MANBA: variants seen among roughly 807,000 people sequenced by gnomAD.
MANBA encodes the protein mannosidase beta, also known as beta-mannosidase.
A neutral mutation model predicts 111.1 loss-of-function variants in MANBA; 83 were observed. The ratio of observed to expected loss-of-function variants is 0.75; its 90% confidence interval spans 0.63 to 0.90. The LOEUF is 0.90. Among genes scored for constraint, MANBA ranks in the 40% least tolerant of loss-of-function variants. MANBA has a pLI of 0.00. For synonymous variants in MANBA, 370 were observed against 378.7 expected, an observed-to-expected ratio of 0.98 and a Z score of 0.27; for missense variants, 1,036 against 1,069.0, an observed-to-expected ratio of 0.97 and a Z score of 0.43.
chr4:102,715,994 T>C (rs1722311083), intron 4 of MANBA, among the ~76,000 whole-genome samples: 2 of 152,056 alleles, frequency 1.3e-5, no homozygotes, highest in African/African-American at 2.4e-5. Context: ...CAAAGAATAT[T>C]GTGCTTACAT....
At chr4:102,712,950 A>G (rs1410722354) in intron 5 of MANBA, among the ~76,000 whole-genome samples, 1 of 152,244 alleles carries the variant, frequency 6.6e-6, no homozygotes. Flanking sequence ...TAGTTGGATT[A>G]CACCTCAGAA....
chr4:102,647,675 A>G (rs1730161228), intron 13 of MANBA, among the ~76,000 whole-genome samples: 1 of 152,124 alleles, frequency 6.6e-6, no homozygotes, highest in Non-Finnish European at 1.5e-5. Context: ...AGGGACAGAT[A>G]CCAACATTGC....
chr4:102,671,234 G>A, intron 9 of MANBA, 47 bp downstream of exon 9: 1 of 1,168,100 alleles, frequency 8.6e-7, no homozygotes. Flanking sequence ...CAGTCAAACT[G>A]AGGATATAGT....
At chr4:102,658,457 C>A (rs1013267930) in intron 11 of MANBA, among the ~76,000 whole-genome samples, 6 of 152,090 alleles carry the variant, frequency 3.9e-5, no homozygotes, top group African/African-American at 1.4e-4. Flanking sequence ...TCAGATGGAC[C>A]CAAACGTGAC....
intron 5 of MANBA, among the ~76,000 whole-genome samples, chr4:102,713,563 T>C (rs543802559): frequency 6.6e-6 from 1 of 152,214 alleles, no homozygotes; most frequent in East Asian, 1.9e-4. Context: ...CTCCTTGATA[T>C]TGAATAGTTG....
chr4:102,729,852 T>C lies in MANBA; in HGVS notation c.178-3169A>G, dbSNP rs181699964. On this transcript the variant is annotated intron_variant, in intron 1 of 16. Coordinates refer to ENST00000647097, the MANE Select transcript of MANBA (RefSeq NM_005908.4). ...CTACTGCTCCAGGAACCATACCTTG[T>C]CTATGAAGGAGGCAAACTTGTTGTT... 873 of 1,434,068 alleles carry C rather than the reference T, an allele frequency of 6.1e-4. 7 individuals carry two copies. The African/African-American group carries it at 0.011, about 18-fold the overall frequency. The allele number at this position is 1,434,068 out of a possible 1,614,324, so 88.8% of individuals were successfully genotyped here.
At chr4:102,651,856 G>A (rs1730347196) in intron 12 of MANBA, among the ~76,000 whole-genome samples, 1 of 152,142 alleles carries the variant, frequency 6.6e-6, no homozygotes, top group Non-Finnish European at 1.5e-5. Context: ...TGTATTTAAA[G>A]GAGAGATTCA....
intron 15 of MANBA, among the ~76,000 whole-genome samples, 161 bp from the exon 16 acceptor site, chr4:102,635,206 C>T (rs1327528377): frequency 9.6e-5 from 10 of 104,002 alleles, no homozygotes; most frequent in African/African-American, 4.1e-4. Context: ...AGCTATGTGA[C>T]TAAGTAACTT....
chr4:102,651,971 T>G (rs1730353120), intron 12 of MANBA, among the ~76,000 whole-genome samples: 1 of 150,110 alleles, frequency 6.7e-6, no homozygotes, highest in Admixed American at 6.7e-5. Context: ...TATTTTTAAT[T>G]GACACAATAA....
intron 5 of MANBA, among the ~76,000 whole-genome samples, chr4:102,710,117 C>A (rs146540079): frequency 6.6e-6 from 1 of 152,038 alleles, no homozygotes; most frequent in Admixed American, 6.6e-5. Flanking sequence ...AAGATGCCCA[C>A]GTTCACCACT....
In MANBA at chr4:102,760,939, C is replaced by A. The variant is rs1314137403; in HGVS notation, c.-45G>T. On this transcript the variant is annotated 5_prime_UTR_variant, in exon 1 of 17. Coordinates refer to ENST00000647097, the MANE Select transcript of MANBA (RefSeq NM_005908.4). ...GAGATGTGGAGAGATCGAAAGGCAGCGCTGCAAGGGACCGGCGGTGAAGCC... is the reference window on the plus strand; with the variant it reads ...GAGATGTGGAGAGATCGAAAGGCAGAGCTGCAAGGGACCGGCGGTGAAGCC... 3.9e-6 allele frequency: 6 copies of A among 1,524,418 alleles called. No homozygotes were observed. The African/African-American group carries it at 4.1e-5, about 10-fold the overall frequency. 94.4% of individuals were successfully genotyped at this position (1,524,418 alleles called of 1,614,324 possible). A position where few individuals can be genotyped will look rare whatever the true frequency, so the allele number is the denominator to read the frequency against.
At chr4:102,672,021 T>C (rs717278) in intron 8 of MANBA, 12,409 of 398,894 alleles carry the variant, frequency 0.031, 1,184 homozygotes, top group African/African-American at 0.21. Flanking sequence ...ATTGGCCCAG[T>C]TGGGCTGAAG....
intron 8 of MANBA, 45 bp from the exon 9 acceptor site, chr4:102,671,443 AAC>A (rs1731494370): frequency 5.1e-6 from 6 of 1,187,570 alleles, no homozygotes; most frequent in Non-Finnish European, 7.5e-6. Flanking sequence ...GGAAAAAAAA[AAC>A]AGATTGTGAC....
chr4:102,635,457 G>A (rs1228124041), intron 15 of MANBA, among the ~76,000 whole-genome samples: 1 of 152,056 alleles, frequency 6.6e-6, no homozygotes, highest in East Asian at 1.9e-4. Context: ...CTTTCCACAT[G>A]CGCATTCTGA....
chr4:102,679,245 C>T (rs1354805022), intron 7 of MANBA, among the ~76,000 whole-genome samples: 2 of 151,794 alleles, frequency 1.3e-5, no homozygotes, highest in African/African-American at 4.8e-5. Flanking sequence ...ACATTGACAT[C>T]GGCACAGTTA....
intron 10 of MANBA, chr4:102,665,288 C>T (rs1731169234): frequency 1.0e-5 from 2 of 198,638 alleles, no homozygotes; most frequent in Admixed American, 5.6e-5. Flanking sequence ...TGAAGCAAAG[C>T]AAACACTACC....
intron 1 of MANBA, among the ~76,000 whole-genome samples, chr4:102,742,379 T>A (rs1723436022): frequency 6.6e-6 from 1 of 152,194 alleles, no homozygotes; most frequent in African/African-American, 2.4e-5. Flanking sequence ...CTTCCATCCC[T>A]TGCTTCCTGG....
chr4:102,708,973 CAT>C (rs1358914275), intron 5 of MANBA, among the ~76,000 whole-genome samples: 4 of 151,954 alleles, frequency 2.6e-5, no homozygotes, highest in African/African-American at 4.8e-5. Context: ...AACTGAAAAA[CAT>C]AGAGAAAATA....
At chr4:102,632,477 A>G (rs1315708175) in intron 16 of MANBA, among the ~76,000 whole-genome samples, 196 bp from the exon 17 acceptor site, 1 of 152,266 alleles carries the variant, frequency 6.6e-6, no homozygotes, top group African/African-American at 2.4e-5. Flanking sequence ...GAACGTTACC[A>G]AATTATAATC....
Sources: allele counts gnomAD v4.1 joint callset (sites outside exome capture counted in the v4.1 genomes callset), GRCh38; gene constraint gnomAD v4.1.1; transcripts MANE v1.5; gene names NCBI Gene and HGNC (gene_info 2026-07-23, HGNC 2026-07-21).